The following MYO19 variants were observed in gnomAD, a reference collection of about 807,000 sequenced individuals.
MYO19 encodes unconventional myosin-XIX.
A neutral mutation model predicts 129.2 loss-of-function variants in MYO19; 132 were observed. The observed-to-expected ratio is 1.02, with a 90% confidence interval of 0.89 to 1.18. MYO19 has a LOEUF of 1.18. MYO19 is among the 50% of genes most tolerant of loss of function. The pLI is 0.00. For synonymous variants in MYO19, 531 were observed against 477.2 expected (o/e 1.11, Z -1.47); for missense variants, 1,210 against 1,216.7 (o/e 0.99, Z 0.08).
In MYO19 at chr17:36,507,303, A is replaced by G. The variant is rs970616936; in HGVS notation, c.1467+96T>C. The G allele has an allele frequency of 1.5e-5, 22 of 1,427,858 alleles. No individual in the cohort carries two copies. In the African/African-American group the frequency reaches 2.5e-4, roughly 16 times the overall value. The allele number at this position is 1,427,858 out of a possible 1,614,324, so 88.4% of individuals were successfully genotyped here. A position where few individuals can be genotyped will look rare whatever the true frequency, so the allele number is the denominator to read the frequency against. On this transcript the variant is annotated intron_variant, in intron 16 of 25. Transcript: ENST00000614623. ...TAGCAGATCTATTTGGCAGACTGGGAGGAGAGAGGCACAGAGAGGAAACAG... is the reference window on the plus strand; with the variant it reads ...TAGCAGATCTATTTGGCAGACTGGGGGGAGAGAGGCACAGAGAGGAAACAG...
intron 12 of MYO19, 184 bp downstream of exon 12, chr17:36,511,181 G>A (rs1279374350): frequency 5.9e-6 from 4 of 680,222 alleles, no homozygotes; most frequent in Non-Finnish European, 9.9e-6. Flanking sequence ...CTTTAAGATG[G>A]GGACGATACT....
At chr17:36,512,599 A>C (rs981498460) in intron 11 of MYO19, 2 of 1,277,776 alleles carry the variant, frequency 1.6e-6, no homozygotes, top group Non-Finnish European at 2.0e-6. Context: ...CCCGACTCCC[A>C]GTGTTGTCCA....
chr17:36,542,841 G>A (rs1480268026), intron 1 of MYO19, among the ~76,000 whole-genome samples: 5 of 151,808 alleles, frequency 3.3e-5, no homozygotes, highest in South Asian at 2.1e-4. Context: ...TCAGCCTCCG[G>A]AGTAGCTGGA....
chr17:36,521,623 T>A (rs1465623912), intron 6 of MYO19, among the ~76,000 whole-genome samples: 1 of 152,082 alleles, frequency 6.6e-6, no homozygotes, highest in Non-Finnish European at 1.5e-5. Flanking sequence ...GTACCCAGCA[T>A]AATAAGTGAA....
chr17:36,498,591 G>T (rs772294337), intron 24 of MYO19, 32 bp from the exon 25 acceptor site: 10 of 1,571,736 alleles, frequency 6.4e-6, no homozygotes, highest in Non-Finnish European at 8.7e-6. Flanking sequence ...TATAGCTTTA[G>T]ATTTATCTAG....
chr17:36,506,606 G>A lies in MYO19; in HGVS notation c.1647C>T (p.Asp549=). 3 of 1,524,490 alleles carry A rather than the reference G, an allele frequency of 2.0e-6. No individual in the cohort carries two copies. Among genetic ancestry groups the A allele is most frequent in the East Asian group, 2.3e-5 (1 of 43,374 alleles). 94.4% of individuals were successfully genotyped at this position (1,524,490 alleles called of 1,614,324 possible). The change falls in exon 18 of 26, where the codon GAC becomes GAT. Residue 549 remains aspartate, a splice_region_variant and synonymous_variant. Coordinates refer to ENST00000614623, the MANE Select transcript of MYO19 (RefSeq NM_001163735.2). ...GCCTGGTCAGCTCAGGTGGGATAGG[G>A]TCCTATTGGGAAATGGCAAGAGCAG... ...HTAGLVEKNK[D]PIPPELTRLL...
chr17:36,514,300 T>G (rs2072582992), intron 9 of MYO19, 146 bp downstream of exon 9: 1 of 648,478 alleles, frequency 1.5e-6, no homozygotes. Context: ...AAGTGCTGCA[T>G]GTAAAGTCTG....
At chr17:36,513,558 G>C in intron 10 of MYO19, 53 bp from the exon 11 acceptor site, 3 of 1,613,750 alleles carry the variant, frequency 1.9e-6, no homozygotes, top group Non-Finnish European at 2.5e-6. Flanking sequence ...AGATGCGAGG[G>C]AGGCAGGCTC....
chr17:36,515,334 A>G (rs1188029699), intron 7 of MYO19, among the ~76,000 whole-genome samples, 152 bp from the exon 8 acceptor site: 1 of 152,212 alleles, frequency 6.6e-6, no homozygotes, highest in Non-Finnish European at 1.5e-5. Context: ...ACAGGACTAG[A>G]AAATGGGCCC....
At chr17:36,518,458 G>A (rs1341634817) in intron 6 of MYO19, among the ~76,000 whole-genome samples, 1 of 117,424 alleles carries the variant, frequency 8.5e-6, no homozygotes, top group East Asian at 2.9e-4. Flanking sequence ...TCACACCACT[G>A]TACTCCAGCC....
chr17:36,534,510 C>T (rs1311782311), intron 1 of MYO19, among the ~76,000 whole-genome samples: 1 of 152,204 alleles, frequency 6.6e-6, no homozygotes, highest in Admixed American at 6.5e-5. Context: ...CCCCCCAGGC[C>T]GCCCCCTGCC....
intron 3 of MYO19, among the ~76,000 whole-genome samples, 181 bp from the exon 4 acceptor site, chr17:36,528,383 C>A (rs2073619390): frequency 6.6e-6 from 1 of 152,098 alleles, no homozygotes; most frequent in Non-Finnish European, 1.5e-5. Flanking sequence ...TGGTGGCGGG[C>A]ACCTGTAGTC....
rs749559972 is a variant in MYO19 at position 36,528,142 on chromosome 17, G to A, written c.73C>T (p.Gln25Ter). The change falls in exon 4 of 26, where the codon CAG (glutamine) becomes TAG (stop). Residue 25 changes from glutamine (Q) to a stop codon, truncating the protein, a stop_gained. Coordinates refer to ENST00000614623, the MANE Select transcript of MYO19 (RefSeq NM_001163735.2). LOFTEE classifies it high-confidence loss of function. ...AGGACCTCCCCACCCAGGAACTCCT[G>A]CAGGTCTTCTCTGAGGTACTCCCTG... ...QAREYLREDL[Q>*]EFLGGEVLLY... 4.3e-6 allele frequency: 7 copies of A among 1,612,390 alleles called. No homozygotes were observed. The South Asian group carries it at 5.5e-5, about 13-fold the overall frequency.
chr17:36,521,291 G>A (rs901556114), intron 6 of MYO19, among the ~76,000 whole-genome samples: 1 of 152,006 alleles, frequency 6.6e-6, no homozygotes, highest in African/African-American at 2.4e-5. Flanking sequence ...AGACACTCTA[G>A]GATCATTATT....
At chr17:36,507,214 G>A in intron 16 of MYO19, 75 bp from the exon 17 acceptor site, 2 of 1,554,332 alleles carry the variant, frequency 1.3e-6, no homozygotes, top group Non-Finnish European at 1.7e-6. Context: ...CCCACCCTGT[G>A]GACCCCATGA....
intron 3 of MYO19, among the ~76,000 whole-genome samples, chr17:36,531,245 A>C (rs2073817388): frequency 6.6e-6 from 1 of 151,824 alleles, no homozygotes; most frequent in Admixed American, 6.6e-5. Context: ...AATACAAAAA[A>C]TTAGCCAGGC....
At chr17:36,526,127 C>T (rs966219484) in intron 5 of MYO19, among the ~76,000 whole-genome samples, 1 of 152,218 alleles carries the variant, frequency 6.6e-6, no homozygotes, top group Non-Finnish European at 1.5e-5. Context: ...CTACACCTGC[C>T]CTTGCCCCAG....
At chr17:36,504,212 A>T in intron 19 of MYO19, 192 bp from the exon 20 acceptor site, 3 of 520,196 alleles carry the variant, frequency 5.8e-6, no homozygotes, top group Non-Finnish European at 1.0e-5. Context: ...TCCCACTAGA[A>T]AGGGTCCTGG....
Position 36,507,896 on chromosome 17 carries a change from T to G in MYO19, c.1260A>C (p.Ser420=). 3 of 1,612,170 alleles carry G rather than the reference T, an allele frequency of 1.9e-6. No homozygotes were observed. Among genetic ancestry groups the G allele is most frequent in the Non-Finnish European group, 8.5e-7 (1 of 1,178,672 alleles). ...IGLLDVYGFE[S]FPDNSLEQLC... ...ACTGTTCCAGACTGTTGTCAGGAAA[T>G]GATTCAAATCCATACACATCCAGCA... The change falls in exon 15 of 26, where the codon TCA becomes TCC. Residue 420 remains serine, a synonymous_variant. Transcript: ENST00000614623.
Sources: allele counts gnomAD v4.1 joint callset (sites outside exome capture counted in the v4.1 genomes callset), GRCh38; gene constraint gnomAD v4.1.1; transcripts MANE v1.5; gene names NCBI Gene and HGNC (gene_info 2026-07-23, HGNC 2026-07-21).